The following AUTS2 variants were observed in gnomAD, a reference collection of about 807,000 sequenced individuals.
AUTS2 encodes autism susceptibility gene 2 protein.
AUTS2 carries 17 observed loss-of-function variants against 112.4 expected under a neutral mutation model. The ratio of observed to expected loss-of-function variants is 0.15; its 90% CI spans 0.10 to 0.23. AUTS2 has a LOEUF of 0.23. Ranked by LOEUF, AUTS2 falls within the 10% of genes least tolerant of loss-of-function variation. AUTS2 has a pLI of 1.00. For missense variants in AUTS2, 1,510 were observed against 1,701.6 expected, an observed-to-expected ratio of 0.89 and a Z score of 1.98; for synonymous variants, 751 against 702.7, an observed-to-expected ratio of 1.07 and a Z score of -1.09.
chr7:69,840,919 C>T (rs1040657587), intron 1 of AUTS2, among the ~76,000 whole-genome samples: 7 of 152,076 alleles, frequency 4.6e-5, no homozygotes, highest in East Asian at 3.9e-4. Flanking sequence ...AGGCAAGTGC[C>T]GTCAATGCAA....
intron 2 of AUTS2, among the ~76,000 whole-genome samples, chr7:70,004,894 G>A (rs1177962699): frequency 6.6e-6 from 1 of 151,634 alleles, no homozygotes; most frequent in East Asian, 1.9e-4. Context: ...ACATGGTCTC[G>A]GTTCACTGCA....
chr7:69,694,345 A>G (rs1005901082), intron 1 of AUTS2, among the ~76,000 whole-genome samples: 4 of 151,976 alleles, frequency 2.6e-5, no homozygotes, highest in Admixed American at 2.0e-4. Flanking sequence ...TATAATTTTT[A>G]TTTTCTTTAC....
At chr7:70,663,249 G>T (rs1807165030) in intron 5 of AUTS2, among the ~76,000 whole-genome samples, 1 of 152,118 alleles carries the variant, frequency 6.6e-6, no homozygotes, top group South Asian at 2.1e-4. Context: ...ACAAAAATTA[G>T]CCAGGCATGG....
intron 1 of AUTS2, among the ~76,000 whole-genome samples, chr7:69,656,152 G>T (rs1388167906): frequency 6.6e-6 from 1 of 152,122 alleles, no homozygotes; most frequent in Non-Finnish European, 1.5e-5. Context: ...ATTTTCTTGG[G>T]GCCTGTTGGC....
intron 1 of AUTS2, among the ~76,000 whole-genome samples, chr7:69,726,542 A>AT (rs1176916566): frequency 1.4e-5 from 2 of 147,860 alleles, no homozygotes; most frequent in East Asian, 2.0e-4. Flanking sequence ...ATAGGTCATG[A>AT]TTTTTTTTTA....
chr7:70,750,418 A>T (rs1788737682), intron 6 of AUTS2, among the ~76,000 whole-genome samples: 2 of 148,672 alleles, frequency 1.3e-5, no homozygotes, highest in African/African-American at 5.1e-5. Flanking sequence ...TCTACCTCCC[A>T]GGCTCAGGTG....
At chr7:69,893,209 C>G (rs1794600144) in intron 1 of AUTS2, among the ~76,000 whole-genome samples, 1 of 152,140 alleles carries the variant, frequency 6.6e-6, no homozygotes, top group African/African-American at 2.4e-5. Context: ...TCCTGGATGC[C>G]TTGTACATTC....
chr7:70,723,068 C>T (rs534607447), intron 6 of AUTS2, among the ~76,000 whole-genome samples: 6 of 152,184 alleles, frequency 3.9e-5, no homozygotes, highest in South Asian at 2.1e-4. Flanking sequence ...AGTGACGAGT[C>T]GGGGATAGGA....
intron 2 of AUTS2, among the ~76,000 whole-genome samples, chr7:70,002,981 T>C (rs1306890319): frequency 6.6e-6 from 1 of 151,110 alleles, no homozygotes; most frequent in South Asian, 2.1e-4. Flanking sequence ...TTTTGAAAAA[T>C]CAACAATTTT....
Position 70,789,968 on chromosome 7 carries a change from G to A in AUTS2, c.2752G>A (p.Glu918Lys), listed in dbSNP as rs774731574. Residue 918 changes from glutamate (E) to lysine (K), a missense_variant, in exon 19 of 19, where the codon GAG becomes AAG. Physicochemically the swap from Glu to Lys is moderately conservative, Grantham distance 56 (BLOSUM62 1). Transcript: ENST00000342771. ...CAAGGCGAAAGAGGGCCACCTGCCCGAGAAGGACGGGCACGGCCACGAGGG... is the reference window on the plus strand; with the variant it reads ...CAAGGCGAAAGAGGGCCACCTGCCCAAGAAGGACGGGCACGGCCACGAGGG... ...EHKAKEGHLP[E>K]KDGHGHEGRA... The A allele has an allele frequency of 1.9e-6, 3 of 1,612,862 alleles. No homozygotes were observed. The highest frequency in any genetic ancestry group is 2.5e-6 in the Non-Finnish European group (3 of 1,179,596).
Position 69,599,679 on chromosome 7 carries a change from G to A in AUTS2, c.26G>A (p.Gly9Glu). 2.3e-6 allele frequency: 3 copies of A among 1,326,608 alleles called. No homozygotes were observed. The highest frequency in any genetic ancestry group is 1.9e-6 in the Non-Finnish European group (2 of 1,042,904). The allele number at this position is 1,326,608 out of a possible 1,614,324, so 82.2% of individuals were successfully genotyped here. A position where few individuals can be genotyped will look rare whatever the true frequency, so the allele number is the denominator to read the frequency against. Residue 9 changes from glycine (G) to glutamate (E), a missense_variant, in exon 1 of 19, where the codon GGA becomes GAA. Gly to Glu is a moderately conservative substitution (Grantham distance 98, BLOSUM62 -2). This residue lies in a region of AUTS2 where 535 missense variants were observed against 594.3 expected (regional missense o/e 0.90). Transcript: ENST00000342771. The surrounding 1 kb of genome is among the most constrained non-coding windows in gnomAD (Gnocchi z 7.0). ...ATGGATGGCCCGACGCGGGGCCATG[G>A]ACTCCGCAAAAAGCGGCGGTCGCGG... MDGPTRGH[G>E]LRKKRRSRSQ...
intron 4 of AUTS2, among the ~76,000 whole-genome samples, chr7:70,427,638 G>A (rs576455026): frequency 6.6e-6 from 1 of 152,318 alleles, no homozygotes; most frequent in East Asian, 1.9e-4. Context: ...CTTCAAGTTT[G>A]GACAACCTGA....
At chr7:69,602,150 A>G (rs975931540) in intron 1 of AUTS2, among the ~76,000 whole-genome samples, 1 of 149,048 alleles carries the variant, frequency 6.7e-6, no homozygotes, top group Admixed American at 6.8e-5. Context: ...TAGGTATTTG[A>G]CTGGGCTTGT....
chr7:70,186,188 A>T (rs1440531298), intron 4 of AUTS2, among the ~76,000 whole-genome samples: 1 of 152,154 alleles, frequency 6.6e-6, no homozygotes, highest in Non-Finnish European at 1.5e-5. Flanking sequence ...GATGATATGT[A>T]AAAATCCTGA....
intron 2 of AUTS2, among the ~76,000 whole-genome samples, chr7:70,011,138 A>G (rs975580086): frequency 6.6e-6 from 1 of 152,250 alleles, no homozygotes; most frequent in African/African-American, 2.4e-5. Context: ...ATTTTCAACC[A>G]TGACTAAATA....
chr7:70,159,688 A>T (rs1368860333), intron 4 of AUTS2, among the ~76,000 whole-genome samples: 2 of 152,176 alleles, frequency 1.3e-5, no homozygotes, highest in East Asian at 3.8e-4. Context: ...AGAAGCAGAT[A>T]ATCTTCTAAC....
chr7:70,149,513 T>C (rs980041250), intron 4 of AUTS2, among the ~76,000 whole-genome samples: 1 of 152,068 alleles, frequency 6.6e-6, no homozygotes, highest in Non-Finnish European at 1.5e-5. Context: ...ATCTTCCTTT[T>C]CCATATCAGC....
At chr7:69,858,916 T>C (rs1415215891) in intron 1 of AUTS2, among the ~76,000 whole-genome samples, 1 of 152,232 alleles carries the variant, frequency 6.6e-6, no homozygotes, top group Non-Finnish European at 1.5e-5. Context: ...CTGGATATCA[T>C]GTAGGTACTA....
At chr7:69,672,984 G>A (rs940342035) in intron 1 of AUTS2, among the ~76,000 whole-genome samples, 1 of 152,166 alleles carries the variant, frequency 6.6e-6, no homozygotes, top group African/African-American at 2.4e-5. Context: ...TTCAGTGGCT[G>A]TTATTTCAAT....
Sources: gnomAD v4.1 joint callset for allele counts (sites outside exome capture counted in the v4.1 genomes callset) on GRCh38, gnomAD v4.1.1 for gene constraint, gnomAD v4.1.1 regional missense constraint, Gnocchi (gnomAD v3.1) non-coding constraint, MANE v1.5 for transcripts, NCBI Gene and HGNC (gene_info 2026-07-23, HGNC 2026-07-21) for gene names.